Variants in RPRD1B observed in about 807,000 individuals in gnomAD.
RPRD1B encodes regulation of nuclear pre-mRNA domain containing 1B.
In RPRD1B, 11 loss-of-function variants were observed where a neutral mutation model predicts 41.5. That is an observed-to-expected ratio of 0.27 (90% CI 0.17 to 0.44). The LOEUF (loss-of-function observed/expected upper bound fraction) is 0.44, where lower values mean the gene tolerates loss of function less well. RPRD1B is among the 20% of genes least tolerant of loss of function. RPRD1B has a pLI of 1.00. For synonymous variants in RPRD1B, 158 were observed against 155.6 expected (o/e 1.02, Z -0.12); for missense variants, 248 against 389.9 (o/e 0.64, Z 3.06).
At chr20:38,069,397 C>G (rs2074389948) in intron 6 of RPRD1B, among the ~76,000 whole-genome samples, 1 of 152,156 alleles carries the variant, frequency 6.6e-6, no homozygotes. Context: ...TAAGGTAAGT[C>G]CAAACTTCCT....
At chr20:38,041,087 G>A (rs1342587199) in intron 2 of RPRD1B, among the ~76,000 whole-genome samples, 1 of 152,176 alleles carries the variant, frequency 6.6e-6, no homozygotes, top group African/African-American at 2.4e-5. Context: ...GCCTGGTGCT[G>A]TTGTGTTTTG....
At chr20:38,042,226 C>T (rs1222690124) in intron 2 of RPRD1B, among the ~76,000 whole-genome samples, 1 of 152,114 alleles carries the variant, frequency 6.6e-6, no homozygotes, top group African/African-American at 2.4e-5. Context: ...TGGTGGTGTG[C>T]ACCTGTAGTC....
At chr20:38,088,120 A>G (rs972307632) in intron 6 of RPRD1B, among the ~76,000 whole-genome samples, 1 of 152,120 alleles carries the variant, frequency 6.6e-6, no homozygotes, top group African/African-American at 2.4e-5. Flanking sequence ...CTGTGTGAGG[A>G]GCTCTCATTG....
At chr20:38,087,223 G>A (rs1389418244) in intron 6 of RPRD1B, among the ~76,000 whole-genome samples, 2 of 152,214 alleles carry the variant, frequency 1.3e-5, no homozygotes, top group African/African-American at 4.8e-5. Flanking sequence ...GCCTCCCAAA[G>A]TGCTGGGATT....
intron 6 of RPRD1B, among the ~76,000 whole-genome samples, chr20:38,068,401 G>T (rs946368743): frequency 3.3e-5 from 5 of 152,090 alleles, no homozygotes; most frequent in Non-Finnish European, 7.4e-5. Flanking sequence ...ACAGTATAAG[G>T]TTTTTTTCTG....
chr20:38,038,501 T>TTTG (rs1555798675), intron 1 of RPRD1B, among the ~76,000 whole-genome samples: 79 of 138,580 alleles, frequency 5.7e-4, no homozygotes, highest in African/African-American at 2.1e-3. Context: ...TTTTTTTTTT[T>TTTG]TTTTTTTTTT....
intron 1 of RPRD1B, among the ~76,000 whole-genome samples, chr20:38,034,888 C>T (rs1002434136): frequency 3.3e-5 from 5 of 152,214 alleles, no homozygotes; most frequent in African/African-American, 1.2e-4. Flanking sequence ...CTGACTTTGC[C>T]GCCTTACTGA....
At chr20:38,052,709 A>T (rs1302293976) in intron 3 of RPRD1B, among the ~76,000 whole-genome samples, 2 of 149,590 alleles carry the variant, frequency 1.3e-5, no homozygotes, top group Non-Finnish European at 3.0e-5. Flanking sequence ...ACTGATTGCG[A>T]TCAATTAGTT....
intron 1 of RPRD1B, 53 bp downstream of exon 1, chr20:38,034,151 A>G: frequency 1.3e-6 from 2 of 1,578,134 alleles, no homozygotes; most frequent in Admixed American, 1.7e-5. Context: ...CCTCTCGCCC[A>G]CATACAACCT....
rs548443514 is a variant in RPRD1B at position 38,036,930 on chromosome 20, G to A, written c.151+2832G>A. 3.3e-5 allele frequency among the ~76,000 whole-genome samples: 5 copies of A among 152,266 alleles called. No homozygotes were observed. In the South Asian group the frequency reaches 1.0e-3, roughly 32 times the overall value. On this transcript the variant is annotated intron_variant, in intron 1 of 6. Transcript: ENST00000373433. ...TGGCTAACTTACTGGACAGTGCAGA[G>A]TTAAAAAAAGATGCTCTTCCAAGCA...
At chr20:38,044,620 C>T (rs546627390) in intron 2 of RPRD1B, among the ~76,000 whole-genome samples, 7 of 152,190 alleles carry the variant, frequency 4.6e-5, no homozygotes, top group African/African-American at 1.4e-4. Flanking sequence ...GTGATCTGCC[C>T]GCCTTGGCCT....
In RPRD1B at chr20:38,090,974, G is replaced by A; in HGVS notation, c.*1099G>A. The A allele has an allele frequency of 5.1e-6, 5 of 985,482 alleles. No homozygotes were observed. The highest frequency in any genetic ancestry group is 6.0e-6 in the Non-Finnish European group (5 of 829,944). The allele number at this position is 985,482 out of a possible 1,614,324, so 61.0% of individuals were successfully genotyped here. A position where few individuals can be genotyped will look rare whatever the true frequency, so the allele number is the denominator to read the frequency against. On this transcript the variant is annotated 3_prime_UTR_variant, in exon 7 of 7. Coordinates refer to ENST00000373433, the MANE Select transcript of RPRD1B (RefSeq NM_021215.4). The stretch of plus-strand genomic sequence containing the variant: ...CAGATGTTATTGAATAGCTCGTCTC[G>A]GGCAGGGGAAGCGGGGAGTTGGGGA...
intron 2 of RPRD1B, among the ~76,000 whole-genome samples, chr20:38,045,998 C>T (rs2074116790): frequency 6.6e-6 from 1 of 152,248 alleles, no homozygotes; most frequent in South Asian, 2.1e-4. Context: ...TCTGCAGTTT[C>T]CGCACATTCC....
intron 6 of RPRD1B, among the ~76,000 whole-genome samples, chr20:38,079,413 A>G (rs1225987870): frequency 6.6e-6 from 1 of 152,052 alleles, no homozygotes; most frequent in African/African-American, 2.4e-5. Context: ...CCCTCCTCCC[A>G]TCCTCCACCC....
chr20:38,046,663 G>A (rs1568645595), intron 2 of RPRD1B, among the ~76,000 whole-genome samples: 1 of 152,196 alleles, frequency 6.6e-6, no homozygotes, highest in Non-Finnish European at 1.5e-5. Flanking sequence ...GAATTGAGCT[G>A]TGTGGCCACA....
intron 6 of RPRD1B, among the ~76,000 whole-genome samples, chr20:38,076,565 TC>T (rs2074461497): frequency 6.6e-6 from 1 of 152,160 alleles, no homozygotes; most frequent in Non-Finnish European, 1.5e-5. Context: ...CATATCCACT[TC>T]CCTTGCTGCC....
chr20:38,067,309 T>TC (rs1055626683), intron 6 of RPRD1B, among the ~76,000 whole-genome samples: 2 of 152,204 alleles, frequency 1.3e-5, no homozygotes, highest in Non-Finnish European at 2.9e-5. Context: ...TCTTCTTTTT[T>TC]TAAGAGATAT....
rs1235911588 is a variant in RPRD1B, at chr20:38,091,159, A to G, written c.*1284A>G. 3 of 985,740 alleles carry G rather than the reference A, an allele frequency of 3.0e-6. No individual in the cohort carries two copies. The highest frequency in any genetic ancestry group is 3.6e-6 in the Non-Finnish European group (3 of 829,928). 61.1% of individuals were successfully genotyped at this position (985,740 alleles called of 1,614,324 possible). A position where few individuals can be genotyped will look rare whatever the true frequency, so the allele number is the denominator to read the frequency against. On this transcript the variant is annotated 3_prime_UTR_variant, in exon 7 of 7. Transcript: ENST00000373433. ...TTATTTTTGACATTGGAAAGGGCAG[A>G]AAGCGATTTGCCCCAGTAGTGTAAT...
chr20:38,048,139 C>G (rs576542735), intron 2 of RPRD1B, among the ~76,000 whole-genome samples: 1 of 152,074 alleles, frequency 6.6e-6, no homozygotes, highest in South Asian at 2.1e-4. Context: ...TATTTGATTT[C>G]AATTATGGCA....
Sources: allele counts gnomAD v4.1 joint callset (sites outside exome capture counted in the v4.1 genomes callset), GRCh38; gene constraint gnomAD v4.1.1; transcripts MANE v1.5; gene names NCBI Gene and HGNC (gene_info 2026-07-23, HGNC 2026-07-21).